CAMKK2: variants seen among roughly 807,000 people sequenced by gnomAD.
CAMKK2 encodes the protein calcium/calmodulin dependent protein kinase kinase 2.
A neutral mutation model predicts 67.2 loss-of-function variants in CAMKK2; 30 were observed. The ratio of observed to expected loss-of-function variants is 0.45; its 90% CI spans 0.33 to 0.61. The LOEUF is 0.61. Among genes scored for constraint, CAMKK2 ranks in the 20% least tolerant of loss-of-function variants. CAMKK2 has a pLI of 0.02. For synonymous variants in CAMKK2, 322 were observed against 326.2 expected (o/e 0.99, Z 0.14); for missense variants, 643 against 802.0 (o/e 0.80, Z 2.39).
intron 9 of CAMKK2, among the ~76,000 whole-genome samples, chr12:121,255,266 A>ATATATATATAAT (rs1566058621): frequency 6.5e-5 from 1 of 15,392 alleles, no homozygotes; most frequent in Non-Finnish European, 1.2e-4. Flanking sequence ...ATATAATTTT[A>ATATATATATAAT]TATATATATA....
chr12:121,238,009 T>C lies in CAMKK2; in HGVS notation c.*2690A>G, dbSNP rs1363009651. 1 of 152,654 alleles carries C rather than the reference T, an allele frequency of 6.6e-6. No individual in the cohort carries two copies. Among genetic ancestry groups the C allele is most frequent in the East Asian group, 1.9e-4 (1 of 5,200 alleles). The allele number at this position is 152,654 out of a possible 1,614,324, so 9.5% of individuals were successfully genotyped here. A position where few individuals can be genotyped will look rare whatever the true frequency, so the allele number is the denominator to read the frequency against. ...TGGAAGCAAGTGGAGGTCATGGTTC[T>C]TCCACTCGGCAACGTGAAGCTCCCC... On this transcript the variant is annotated 3_prime_UTR_variant, in exon 17 of 17. Coordinates refer to ENST00000404169, the MANE Select transcript of CAMKK2 (RefSeq NM_001270485.2).
Position 121,240,443 on chromosome 12 carries a change from C to T in CAMKK2, c.*256G>A, listed in dbSNP as rs1017526177. The T allele has an allele frequency of 3.3e-6, 5 of 1,526,176 alleles. No homozygotes were observed. Among genetic ancestry groups the T allele is most frequent in the Non-Finnish European group, 4.4e-6 (5 of 1,144,264 alleles). The allele number at this position is 1,526,176 out of a possible 1,614,324, so 94.5% of individuals were successfully genotyped here. A position where few individuals can be genotyped will look rare whatever the true frequency, so the allele number is the denominator to read the frequency against. ...TTTAAAAAGCAATTGTCCCAAAATG[C>T]ACGTGGGTTTGGGTCTGCAACTCCT... On this transcript the variant is annotated 3_prime_UTR_variant, in exon 17 of 17. Coordinates refer to ENST00000404169, the MANE Select transcript of CAMKK2 (RefSeq NM_001270485.2). The surrounding 1 kb of genome is among the most constrained non-coding windows in gnomAD (Gnocchi z 4.4).
At chr12:121,267,959 C>T (rs1894948718) in intron 5 of CAMKK2, among the ~76,000 whole-genome samples, 1 of 151,736 alleles carries the variant, frequency 6.6e-6, no homozygotes, top group Non-Finnish European at 1.5e-5. Flanking sequence ...AACAGAATCA[C>T]ATAATATGTG....
chr12:121,253,312 G>A lies in CAMKK2; in HGVS notation c.1068C>T (p.Pro356=), dbSNP rs1460170277. ...NTVGTPAFMA[P]ESLSETRKIF... ...TCTTGCGGGTCTCAGAGAGCGACTCGGGTGCCATGAAGGCGGGCGTGCCCA... is the reference window on the plus strand; with the variant it reads ...TCTTGCGGGTCTCAGAGAGCGACTCAGGTGCCATGAAGGCGGGCGTGCCCA... Residue 356 remains proline (P), a synonymous_variant, in exon 10 of 17, where the codon CCC becomes CCT. Coordinates refer to ENST00000404169, the MANE Select transcript of CAMKK2 (RefSeq NM_001270485.2). This position sits in a 1 kb window ranked among gnomAD's most constrained non-coding sequence, Gnocchi z 5.0. 10 of 1,614,108 alleles carry A rather than the reference G, an allele frequency of 6.2e-6. No homozygotes were observed. The highest frequency in any genetic ancestry group is 2.2e-5 in the East Asian group (1 of 44,896).
At chr12:121,257,058 TGGA>T (rs889532137) in intron 7 of CAMKK2, among the ~76,000 whole-genome samples, 2 of 150,578 alleles carry the variant, frequency 1.3e-5, no homozygotes, top group Non-Finnish European at 2.9e-5. Context: ...CAAAATCCAG[TGGA>T]GGATGACTCT....
intron 1 of CAMKK2, among the ~76,000 whole-genome samples, chr12:121,277,234 A>T (rs1055767841): frequency 1.3e-5 from 2 of 152,230 alleles, no homozygotes; most frequent in African/African-American, 2.4e-5. Context: ...AGTGTGTGGT[A>T]AGAGAACGCC....
At chr12:121,257,851 T>C (rs1244567328) in intron 7 of CAMKK2, among the ~76,000 whole-genome samples, 1 of 152,072 alleles carries the variant, frequency 6.6e-6, no homozygotes, top group African/African-American at 2.4e-5. Flanking sequence ...GCAAGCTTCA[T>C]GAATTTCTGC....
intron 2 of CAMKK2, among the ~76,000 whole-genome samples, chr12:121,273,780 C>A (rs1277549889): frequency 6.6e-6 from 1 of 152,086 alleles, no homozygotes; most frequent in Admixed American, 6.5e-5. Flanking sequence ...CAGGGTCCCA[C>A]GGAAGGAAAA....
At chr12:121,256,183 A>G (rs1471948520) in intron 7 of CAMKK2, among the ~76,000 whole-genome samples, 1 of 152,220 alleles carries the variant, frequency 6.6e-6, no homozygotes, top group Admixed American at 6.5e-5. Context: ...GCTCGAGACC[A>G]GCCTGGCCAA....
intron 1 of CAMKK2, among the ~76,000 whole-genome samples, chr12:121,278,621 G>A (rs1003291367): frequency 4.6e-5 from 7 of 152,160 alleles, no homozygotes; most frequent in South Asian, 2.1e-4. Flanking sequence ...AGGGGGTTCC[G>A]CTTTTGCATC....
chr12:121,270,968 T>A (rs1419136279), intron 2 of CAMKK2, 23 bp from the exon 3 acceptor site: 4 of 1,609,454 alleles, frequency 2.5e-6, no homozygotes, highest in East Asian at 2.2e-5. Context: ...GAGAGACACG[T>A]GCAAAATGAA....
rs538927392 is a variant in CAMKK2, at chr12:121,255,748, C to G, written c.818+35G>C. On this transcript the variant is annotated intron_variant, in intron 8 of 16. Transcript: ENST00000404169. Reference sequence around the variant, plus strand: ...CTCAGCTATGCAGCTACAGAAGCTTCTTGCATCACCCCTGCTGGGAGCTGG... The same window carrying G: ...CTCAGCTATGCAGCTACAGAAGCTTGTTGCATCACCCCTGCTGGGAGCTGG... 4 of 1,613,414 alleles carry G rather than the reference C, an allele frequency of 2.5e-6. No individual in the cohort carries two copies. The African/African-American group carries it at 4.0e-5, about 16-fold the overall frequency.
In CAMKK2 at chr12:121,254,289, C is replaced by T. The variant is rs543606083; in HGVS notation, c.908-817G>A. ...CCTGGCCAACATAGCGAAACCCCAT[C>T]TCTACAAAAAATACAAAAATTAGCC... On this transcript the variant is annotated intron_variant, in intron 9 of 16. Coordinates refer to ENST00000404169, the MANE Select transcript of CAMKK2 (RefSeq NM_001270485.2). Among the ~76,000 whole-genome samples, 6 of 152,100 alleles carry T rather than the reference C, an allele frequency of 3.9e-5. No individual in the cohort carries two copies. In the South Asian group the frequency reaches 6.2e-4, roughly 16 times the overall value.
intron 5 of CAMKK2, among the ~76,000 whole-genome samples, chr12:121,267,626 G>T (rs1894890441): frequency 6.6e-6 from 1 of 151,810 alleles, no homozygotes; most frequent in Non-Finnish European, 1.5e-5. Context: ...CCGAGTAGCT[G>T]GGATTACAGG....
In CAMKK2 at chr12:121,237,946, G is replaced by A. The variant is rs1454655706; in HGVS notation, c.*2753C>T. 1 of 152,656 alleles carries A rather than the reference G, an allele frequency of 6.6e-6. No individual in the cohort carries two copies. The highest frequency in any genetic ancestry group is 2.4e-5 in the African/African-American group (1 of 41,448). The allele number at this position is 152,656 out of a possible 1,614,324, so 9.5% of individuals were successfully genotyped here. ...CCCAGAAACTCGGCCTCCAGCTGGAGAGGGGAACCAGCGTACCCTGAAACT... is the reference window on the plus strand; with the variant it reads ...CCCAGAAACTCGGCCTCCAGCTGGAAAGGGGAACCAGCGTACCCTGAAACT... On this transcript the variant is annotated 3_prime_UTR_variant, in exon 17 of 17. Coordinates refer to ENST00000404169, the MANE Select transcript of CAMKK2 (RefSeq NM_001270485.2). The surrounding 1 kb of genome is among the most constrained non-coding windows in gnomAD (Gnocchi z 4.5).
In CAMKK2 at chr12:121,255,263, T is replaced by TATATATATAA. The variant is rs1566058513; in HGVS notation, c.907+286_907+287insTTATATATAT. The stretch of plus-strand genomic sequence containing the variant: ...ATATATATATAATTATATATATAAT[T>TATATATATAA]TTATATATATATAATTATATATATA... On this transcript the variant is annotated intron_variant, in intron 9 of 16. Transcript: ENST00000404169. 3.4e-3 allele frequency among the ~76,000 whole-genome samples: 78 copies of TATATATATAA among 23,120 alleles called. 9 individuals carry two copies. Among genetic ancestry groups the TATATATATAA allele is most frequent in the African/African-American group, 0.012 (76 of 6,260 alleles). 15.2% of individuals were successfully genotyped at this position (23,120 alleles called of 152,430 possible). A position where few individuals can be genotyped will look rare whatever the true frequency, so the allele number is the denominator to read the frequency against.
chr12:121,272,514 C>T (rs1395014637), intron 2 of CAMKK2, among the ~76,000 whole-genome samples: 1 of 151,982 alleles, frequency 6.6e-6, no homozygotes, highest in Admixed American at 6.6e-5. Flanking sequence ...TTTTCATCTC[C>T]AATTATGAAA....
intron 11 of CAMKK2, among the ~76,000 whole-genome samples, chr12:121,250,897 G>T (rs911031038): frequency 6.6e-6 from 1 of 152,230 alleles, no homozygotes; most frequent in Non-Finnish European, 1.5e-5. Flanking sequence ...GAGAAAAACA[G>T]AAGTTCAGAG....
intron 6 of CAMKK2, among the ~76,000 whole-genome samples, chr12:121,263,283 A>G (rs1893850065): frequency 6.6e-6 from 1 of 151,458 alleles, no homozygotes; most frequent in African/African-American, 2.4e-5. Context: ...TTTGTTTTGT[A>G]TTTTTAGTAA....
Sources: allele counts gnomAD v4.1 joint callset (sites outside exome capture counted in the v4.1 genomes callset), GRCh38; gene constraint gnomAD v4.1.1; non-coding constraint Gnocchi (gnomAD v3.1); transcripts MANE v1.5; gene names NCBI Gene and HGNC (gene_info 2026-07-23, HGNC 2026-07-21).